Variants in GNPAT observed in about 807,000 individuals in gnomAD.
The protein encoded by GNPAT is dihydroxyacetone phosphate acyltransferase.
Under a neutral mutation model 78.4 loss-of-function variants are expected in GNPAT, and 30 were observed. The observed-to-expected ratio is 0.38, with a 90% CI of 0.29 to 0.52. GNPAT has a LOEUF of 0.52. Among genes scored for constraint, GNPAT ranks in the 20% least tolerant of loss-of-function variants. The pLI is 0.84. For synonymous variants in GNPAT, 271 were observed against 281.1 expected (o/e 0.96, Z 0.36); for missense variants, 714 against 812.2 (o/e 0.88, Z 1.47).
intron 2 of GNPAT, among the ~76,000 whole-genome samples, chr1:231,254,528 G>A (rs1684989862): frequency 6.6e-6 from 1 of 151,474 alleles, no homozygotes; most frequent in Non-Finnish European, 1.5e-5. Context: ...TGCAAGCTCT[G>A]CCTCCCGGGT....
chr1:231,241,820 G>A (rs1684618291), intron 1 of GNPAT, among the ~76,000 whole-genome samples: 2 of 152,352 alleles, frequency 1.3e-5, no homozygotes, highest in South Asian at 4.1e-4. Flanking sequence ...GGGCAAACCT[G>A]AGAAACTTGC....
intron 2 of GNPAT, among the ~76,000 whole-genome samples, chr1:231,252,729 A>G (rs1463727793): frequency 2.7e-5 from 4 of 150,578 alleles, no homozygotes; most frequent in African/African-American, 9.8e-5. Context: ...TTGGTCCTCT[A>G]TAAATGTCTT....
intron 12 of GNPAT, among the ~76,000 whole-genome samples, chr1:231,274,618 T>G (rs914323504): frequency 6.6e-6 from 1 of 152,112 alleles, no homozygotes; most frequent in Non-Finnish European, 1.5e-5. Flanking sequence ...GTCTGAAACA[T>G]AAACTGTAGG....
chr1:231,270,864 G>A lies in GNPAT; in HGVS notation c.1386G>A (p.Ser462=), dbSNP rs776159142. The A allele has an allele frequency of 1.7e-5, 27 of 1,614,030 alleles. No homozygotes were observed. Among genetic ancestry groups the A allele is most frequent in the Admixed American group, 3.3e-5 (2 of 60,000 alleles). Residue 462 remains serine (S), a synonymous_variant, in exon 10 of 16, where the codon TCG becomes TCA. Coordinates refer to ENST00000366647, the MANE Select transcript of GNPAT (RefSeq NM_014236.4). The part of the protein sequence containing the change: ...QVILKVDSGD[S]EVVDGLMLQH... Reference sequence around the variant, plus strand: ...TTCTGAAAGTGGACTCCGGAGACTCGGAAGTGGTCGATGGGCTTATGCTCC... The same window carrying A: ...TTCTGAAAGTGGACTCCGGAGACTCAGAAGTGGTCGATGGGCTTATGCTCC...
In GNPAT at chr1:231,261,525, T is replaced by A. The variant is rs146126474; in HGVS notation, c.438+842T>A. On this transcript the variant is annotated intron_variant, in intron 3 of 15. Transcript: ENST00000366647. ...GGTTTCATTACTGGAGATGTTTCAC[T>A]TCCATCAGTTGGTTATCGTTATGAC... 6.8e-4 allele frequency among the ~76,000 whole-genome samples: 104 copies of A among 152,320 alleles called. 1 individual carries two copies. Among genetic ancestry groups the A allele is most frequent in the African/African-American group, 2.5e-3 (103 of 41,572 alleles).
chr1:231,269,401 T>G (rs1558336595), intron 9 of GNPAT, among the ~76,000 whole-genome samples: 1 of 152,034 alleles, frequency 6.6e-6, no homozygotes, highest in Non-Finnish European at 1.5e-5. Context: ...CCTCCCCGCC[T>G]CCTCCCCACC....
At chr1:231,265,174 C>T (rs1468652451) in intron 4 of GNPAT, 119 bp from the exon 5 acceptor site, 9 of 812,094 alleles carry the variant, frequency 1.1e-5, no homozygotes, top group East Asian at 8.5e-5. Context: ...GCCAACATAG[C>T]GAGACCCTGT....
Position 231,267,696 on chromosome 1 carries a change from C to A in GNPAT, c.1072C>A (p.Gln358Lys), listed in dbSNP as rs200830930. ...NLVPRYIPQK[Q>K]SEDMHAFVTE... Reference sequence around the variant, plus strand: ...TCCTTTTAGATACATTCCTCAGAAACAGTCTGAGGACATGCATGCCTTTGT... The same window carrying A: ...TCCTTTTAGATACATTCCTCAGAAAAAGTCTGAGGACATGCATGCCTTTGT... The change falls in exon 9 of 16, where the codon CAG (glutamine) becomes AAG (lysine). Residue 358 changes from glutamine to lysine, a missense_variant. Coordinates refer to ENST00000366647, the MANE Select transcript of GNPAT (RefSeq NM_014236.4). 2.7e-4 allele frequency: 420 copies of A among 1,573,038 alleles called. No individual in the cohort carries two copies. Among genetic ancestry groups the A allele is most frequent in the Non-Finnish European group, 3.4e-4 (384 of 1,142,582 alleles).
rs1684589609 is a variant in GNPAT, at chr1:231,241,266, G to T, written c.-113G>T. On this transcript the variant is annotated 5_prime_UTR_variant, in exon 1 of 16. Coordinates refer to ENST00000366647, the MANE Select transcript of GNPAT (RefSeq NM_014236.4). ...ATCCTGTGTAGCGGCTGCAGAGGGTGCCGCCGCCCTAGGCGAAGTAGGGCC... is the reference window on the plus strand; with the variant it reads ...ATCCTGTGTAGCGGCTGCAGAGGGTTCCGCCGCCCTAGGCGAAGTAGGGCC... 2.1e-6 allele frequency: 3 copies of T among 1,422,864 alleles called. No individual in the cohort carries two copies. The East Asian group carries it at 6.8e-5, about 32-fold the overall frequency. The allele number at this position is 1,422,864 out of a possible 1,614,324, so 88.1% of individuals were successfully genotyped here.
chr1:231,265,721 G>C lies in GNPAT; in HGVS notation c.706G>C (p.Ala236Pro), dbSNP rs758663178. The C allele has an allele frequency of 1.1e-5, 18 of 1,588,924 alleles. No homozygotes were observed. The highest frequency in any genetic ancestry group is 1.5e-5 in the Non-Finnish European group (17 of 1,156,942). The change falls in exon 6 of 16, where the codon GCT becomes CCT. Residue 236 changes from alanine (A) to proline (P), a missense_variant. Physicochemically the swap from Ala to Pro is conservative, Grantham distance 27. Transcript: ENST00000366647. ...TGTTTTCTCTTTAAAGAATGGTTAT[G>C]CTCCTGTTGAATTTTTCCTCGAAGG... ...YVKTMLRNGY[A>P]PVEFFLEGTR...
chr1:231,252,287 AGGAAT>A (rs781188161), intron 2 of GNPAT, among the ~76,000 whole-genome samples: 1 of 152,224 alleles, frequency 6.6e-6, no homozygotes, highest in Non-Finnish European at 1.5e-5. Context: ...AGTTGGGTGT[AGGAAT>A]GGAAGGAAAA....
chr1:231,254,850 C>T (rs1685003657), intron 2 of GNPAT, among the ~76,000 whole-genome samples: 1 of 151,710 alleles, frequency 6.6e-6, no homozygotes, highest in Non-Finnish European at 1.5e-5. Flanking sequence ...CTCCCAGGTT[C>T]AAGTGATTCT....
At chr1:231,274,881 A>G in intron 12 of GNPAT, 2 of 305,556 alleles carry the variant, frequency 6.5e-6, no homozygotes, top group South Asian at 6.2e-5. Context: ...GTATTTAGAG[A>G]AAAAAAGCAA....
At chr1:231,258,981 A>G (rs1355556259) in intron 2 of GNPAT, among the ~76,000 whole-genome samples, 1 of 152,048 alleles carries the variant, frequency 6.6e-6, no homozygotes. Flanking sequence ...AAAAACAAAA[A>G]AACAGGTCCA....
At chr1:231,271,814 A>G (rs998021894) in intron 10 of GNPAT, among the ~76,000 whole-genome samples, 2 of 152,182 alleles carry the variant, frequency 1.3e-5, no homozygotes, top group African/African-American at 4.8e-5. Context: ...TTTAAAAACT[A>G]TGCTAGGGCC....
chr1:231,259,406 T>G (rs548963), intron 2 of GNPAT, among the ~76,000 whole-genome samples: 92,215 of 151,896 alleles, frequency 0.61, 28,667 homozygotes, highest in African/African-American at 0.75. Context: ...CCAGCAATTT[T>G]GGAGGCTGAG....
intron 5 of GNPAT, 111 bp downstream of exon 5, chr1:231,265,531 A>G (rs1054557600): frequency 9.9e-7 from 1 of 1,008,436 alleles, no homozygotes; most frequent in Non-Finnish European, 1.6e-6. Flanking sequence ...GCTTTCCCTC[A>G]AGAACTGCTT....
rs1274132718 is a variant in GNPAT at position 231,266,269 on chromosome 1, A to G, written c.925-8A>G. 5 of 1,613,970 alleles carry G rather than the reference A, an allele frequency of 3.1e-6. No homozygotes were observed. Among genetic ancestry groups the G allele is most frequent in the South Asian group, 2.2e-5 (2 of 91,084 alleles). On this transcript the variant is annotated splice_region_variant and splice_polypyrimidine_tract_variant and intron_variant, in intron 7 of 15. Coordinates refer to ENST00000366647, the MANE Select transcript of GNPAT (RefSeq NM_014236.4). ...CGTTTTCTTCCCCCCCTGTTATGGT[A>G]CTATTAGGGGTTGCTGAAAGCCAGA...
At position 231,275,302 on chromosome 1, in the gene GNPAT, A is replaced by G. The variant is rs1685681200; in HGVS notation, c.1825A>G (p.Ser609Gly). 1.2e-6 allele frequency: 2 copies of G among 1,611,858 alleles called. No homozygotes were observed. Among genetic ancestry groups the G allele is most frequent in the Admixed American group, 1.7e-5 (1 of 60,004 alleles). ...QYLAAVRKFT[S>G]QLLDQGTSQC... ...CTTGGCTGCAGTCAGAAAATTCACA[A>G]GTCAGCTTCTCGATCAAGGTCAGTC... Residue 609 changes from serine to glycine, a missense_variant, in exon 13 of 16, where the codon AGT becomes GGT. Physicochemically the swap from Ser to Gly is moderately conservative, Grantham distance 56 (BLOSUM62 0). Transcript: ENST00000366647.
Sources: allele counts gnomAD v4.1 joint callset (sites outside exome capture counted in the v4.1 genomes callset), GRCh38; gene constraint gnomAD v4.1.1; transcripts MANE v1.5; gene names NCBI Gene and HGNC (gene_info 2026-07-23, HGNC 2026-07-21).